Variants in KHK observed in about 807,000 individuals in gnomAD.
KHK encodes the protein fructokinase.
KHK carries 37 observed loss-of-function variants against 36.0 expected under a neutral mutation model. The observed-to-expected ratio is 1.03, with a 90% confidence interval of 0.79 to 1.35. The LOEUF (loss-of-function observed/expected upper bound fraction) is 1.35, where lower values mean the gene tolerates loss of function less well. KHK is among the 40% of genes most tolerant of loss of function. The pLI is 0.00. For synonymous variants in KHK, 161 were observed against 162.8 expected (o/e 0.99, Z 0.08); for missense variants, 395 against 391.9 (o/e 1.01, Z -0.07).
chr2:27,094,520 T>A, intron 2 of KHK: 1 of 1,614,144 alleles, frequency 6.2e-7, no homozygotes, highest in African/African-American at 1.3e-5. Flanking sequence ...GGACCTACGC[T>A]ACACAGTCTT....
At chr2:27,098,974 A>C in intron 5 of KHK, 1 of 516,144 alleles carries the variant, frequency 1.9e-6, no homozygotes, top group Non-Finnish European at 3.5e-6. Flanking sequence ...CTGAGGCAGG[A>C]AGATCATATG....
In KHK at chr2:27,100,464, A is replaced by G; in HGVS notation, c.*714A>G. Reference sequence around the variant, plus strand: ...GCCACAAATGTGACCCAGGATACAGAGTGTTGCTGTCCTCAGGGAGGTCCG... The same window carrying G: ...GCCACAAATGTGACCCAGGATACAGGGTGTTGCTGTCCTCAGGGAGGTCCG... On this transcript the variant is annotated 3_prime_UTR_variant, in exon 8 of 8. Coordinates refer to ENST00000260598, the MANE Select transcript of KHK (RefSeq NM_006488.3). 2 of 1,291,018 alleles carry G rather than the reference A, an allele frequency of 1.5e-6. No homozygotes were observed. Among genetic ancestry groups the G allele is most frequent in the Non-Finnish European group, 2.0e-6 (2 of 988,858 alleles). The allele number at this position is 1,291,018 out of a possible 1,614,324, so 80.0% of individuals were successfully genotyped here.
At position 27,087,207 on chromosome 2, in the gene KHK, G is replaced by A; in HGVS notation, c.-53G>A. ...ACCATCCTCCTGGATAAGAGGCAGA[G>A]GCCGGGAGGAACCCCGTCAGCCGGG... On this transcript the variant is annotated 5_prime_UTR_variant, in exon 1 of 8. Coordinates refer to ENST00000260598, the MANE Select transcript of KHK (RefSeq NM_006488.3). 3 of 1,463,316 alleles carry A rather than the reference G, an allele frequency of 2.1e-6. No individual in the cohort carries two copies. In the South Asian group the frequency reaches 3.6e-5, roughly 18 times the overall value. The allele number at this position is 1,463,316 out of a possible 1,614,324, so 90.6% of individuals were successfully genotyped here. A position where few individuals can be genotyped will look rare whatever the true frequency, so the allele number is the denominator to read the frequency against.
In KHK at chr2:27,087,237, C is replaced by T. The variant is rs554410259; in HGVS notation, c.-23C>T. ...GGAGGAACCCCGTCAGCCGGGCGGG[C>T]AGGAAGCTCTGGGAGTAGCCTCATG... On this transcript the variant is annotated 5_prime_UTR_variant, in exon 1 of 8. Coordinates refer to ENST00000260598, the MANE Select transcript of KHK (RefSeq NM_006488.3). 1.9e-5 allele frequency: 29 copies of T among 1,563,150 alleles called. No homozygotes were observed. The highest frequency in any genetic ancestry group is 2.5e-5 in the Non-Finnish European group (29 of 1,151,666).
At chr2:27,096,631 A>G (rs1670369434) in intron 3 of KHK, 98 bp from the exon 4 acceptor site, 2 of 910,834 alleles carry the variant, frequency 2.2e-6, no homozygotes, top group Non-Finnish European at 3.7e-6. Flanking sequence ...TGCTGCCAGC[A>G]GTGCAGGCAC....
chr2:27,093,191 G>A (rs1181639365), intron 2 of KHK, among the ~76,000 whole-genome samples: 1 of 152,200 alleles, frequency 6.6e-6, no homozygotes, highest in Non-Finnish European at 1.5e-5. Context: ...ACCCTGGTTT[G>A]AAGGGGGCTG....
intron 3 of KHK, among the ~76,000 whole-genome samples, chr2:27,095,661 G>A (rs1453279015): frequency 6.6e-6 from 1 of 152,232 alleles, no homozygotes; most frequent in Admixed American, 6.5e-5. Flanking sequence ...AGTGTACTAA[G>A]AACCTAGTAC....
intron 1 of KHK, among the ~76,000 whole-genome samples, chr2:27,090,744 C>G (rs138782618): frequency 6.6e-6 from 1 of 151,728 alleles, no homozygotes; most frequent in Non-Finnish European, 1.5e-5. Flanking sequence ...TGAGCCACTG[C>G]GCCCGGCCAG....
In KHK at chr2:27,099,718, T is replaced by C. The variant is rs1177962254; in HGVS notation, c.865T>C (p.Cys289Arg). The change falls in exon 8 of 8, where the codon TGT becomes CGT. Residue 289 changes from cysteine (C) to arginine (R), a missense_variant. Transcript: ENST00000260598. ...RFGCQVAGKK[C>R]GLQGFDGIV ...CGGGTGCCAGGTGGCCGGCAAGAAG[T>C]GTGGCCTGCAGGGCTTTGATGGCAT... The C allele has an allele frequency of 6.2e-7, 1 of 1,613,964 alleles. No individual in the cohort carries two copies. Among genetic ancestry groups the C allele is most frequent in the Non-Finnish European group, 8.5e-7 (1 of 1,179,992 alleles).
chr2:27,092,323 G>A lies in KHK; in HGVS notation c.93-9G>A, dbSNP rs373753782. 5 of 1,607,818 alleles carry A rather than the reference G, an allele frequency of 3.1e-6. No individual in the cohort carries two copies. Among genetic ancestry groups the A allele is most frequent in the Non-Finnish European group, 4.3e-6 (5 of 1,176,104 alleles). ...CTGGGGCTGCAGGGACCCTCCCTGT[G>A]CTTTGCAGGTGTTTGTCCCAGAGAT... On this transcript the variant is annotated splice_polypyrimidine_tract_variant and intron_variant, in intron 1 of 7. Transcript: ENST00000260598.
At position 27,099,799 on chromosome 2, in the gene KHK, C is replaced by T. The variant is rs776688675; in HGVS notation, c.*49C>T. Reference sequence around the variant, plus strand: ...ACCATGGAGACTACCATTGCGGCTGCATCGCCTTCTCCCCTCCATCCAGCC... The same window carrying T: ...ACCATGGAGACTACCATTGCGGCTGTATCGCCTTCTCCCCTCCATCCAGCC... On this transcript the variant is annotated 3_prime_UTR_variant, in exon 8 of 8. Coordinates refer to ENST00000260598, the MANE Select transcript of KHK (RefSeq NM_006488.3). The T allele has an allele frequency of 1.5e-5, 24 of 1,596,660 alleles. No individual in the cohort carries two copies. The highest frequency in any genetic ancestry group is 4.0e-5 in the African/African-American group (3 of 74,390).
intron 1 of KHK, among the ~76,000 whole-genome samples, chr2:27,089,580 G>C (rs548889365): frequency 2.6e-5 from 4 of 152,308 alleles, no homozygotes; most frequent in Non-Finnish European, 5.9e-5. Context: ...TTCTGAAGGT[G>C]GGCACTGAGC....
chr2:27,098,843 G>A (rs1010319651), intron 5 of KHK: 6 of 261,470 alleles, frequency 2.3e-5, no homozygotes, highest in South Asian at 8.3e-5. Flanking sequence ...GAGAACAAAC[G>A]GACCAGGCCT....
In KHK at chr2:27,094,945, C is replaced by T. The variant is rs964360561; in HGVS notation, c.344+11C>T. On this transcript the variant is annotated intron_variant, in intron 3 of 7. Coordinates refer to ENST00000260598, the MANE Select transcript of KHK (RefSeq NM_006488.3). ...TGTGCTCCATGACACGTAAGGCCCC[C>T]GGGCCTCGCCCTGCTACAACCCACC... 2.2e-5 allele frequency: 36 copies of T among 1,613,488 alleles called. No individual in the cohort carries two copies. The highest frequency in any genetic ancestry group is 4.0e-5 in the African/African-American group (3 of 74,958).
At chr2:27,095,762 G>A (rs768193591) in intron 3 of KHK, among the ~76,000 whole-genome samples, 3 of 152,258 alleles carry the variant, frequency 2.0e-5, no homozygotes, top group African/African-American at 7.2e-5. Flanking sequence ...GCCGGACCTG[G>A]AGGAGGGGCA....
chr2:27,097,516 C>A lies in KHK; in HGVS notation c.431C>A (p.Ser144Ter), dbSNP rs756258011. The change falls in exon 5 of 8, where the codon TCG (serine) becomes TAG (stop). Residue 144 changes from serine to a stop codon, truncating the protein, a stop_gained. Transcript: ENST00000260598. LOFTEE classifies it high-confidence loss of function. ...KWIHIEGRNA[S>*]EQVKMLQRID... ...GTCCTGTACCAGGGCCGGAACGCATCGGAGCAGGTGAAGATGCTGCAGCGG... is the reference window on the plus strand; with the variant it reads ...GTCCTGTACCAGGGCCGGAACGCATAGGAGCAGGTGAAGATGCTGCAGCGG... The A allele has an allele frequency of 1.2e-5, 20 of 1,613,612 alleles. No individual in the cohort carries two copies. Among genetic ancestry groups the A allele is most frequent in the Non-Finnish European group, 1.5e-5 (18 of 1,180,052 alleles).
intron 5 of KHK, 107 bp downstream of exon 5, chr2:27,097,756 G>A: frequency 6.6e-7 from 1 of 1,507,336 alleles, no homozygotes; most frequent in Non-Finnish European, 9.2e-7. Context: ...GTGGTTCCTG[G>A]TTTGGTGGTG....
intron 3 of KHK, among the ~76,000 whole-genome samples, chr2:27,096,363 C>T (rs1239195851): frequency 6.6e-6 from 1 of 152,132 alleles, no homozygotes; most frequent in African/African-American, 2.4e-5. Context: ...TTTATACTTT[C>T]CCAGGGCTCT....
Position 27,099,869 on chromosome 2 carries a change from G to A in KHK, c.*119G>A. 3.2e-6 allele frequency: 5 copies of A among 1,550,330 alleles called. No homozygotes were observed. The highest frequency in any genetic ancestry group is 4.4e-6 in the Non-Finnish European group (5 of 1,147,098). On this transcript the variant is annotated 3_prime_UTR_variant, in exon 8 of 8. Transcript: ENST00000260598. ...TTCAGGGGACAGATGCAAGCTGTGG[G>A]GAGGACTCTGCCTGTGTCCTGTGTT...
Sources: gnomAD v4.1 joint callset for allele counts (sites outside exome capture counted in the v4.1 genomes callset) on GRCh38, gnomAD v4.1.1 for gene constraint, MANE v1.5 for transcripts, NCBI Gene and HGNC (gene_info 2026-07-23, HGNC 2026-07-21) for gene names.